Variants in ESRP1 observed in about 807,000 individuals in gnomAD.
ESRP1 encodes epithelial splicing regulatory protein 1, also known as RNA-binding motif protein 35A.
A neutral mutation model predicts 81.7 loss-of-function variants in ESRP1; 33 were observed. That is an observed-to-expected ratio of 0.40 (90% CI 0.31 to 0.54). The LOEUF is 0.54. ESRP1 is among the 20% of genes least tolerant of loss of function. ESRP1 has a pLI of 0.41. For synonymous variants in ESRP1, 320 were observed against 303.3 expected, an observed-to-expected ratio of 1.06 and a Z score of -0.57; for missense variants, 672 against 833.1, an observed-to-expected ratio of 0.81 and a Z score of 2.38.
chr8:94,691,486 G>A (rs971546695), intron 13 of ESRP1, among the ~76,000 whole-genome samples: 1 of 152,192 alleles, frequency 6.6e-6, no homozygotes, highest in African/African-American at 2.4e-5. Context: ...GAAGTAATTT[G>A]ATATGTTAAG....
chr8:94,660,269 T>C (rs73265205), intron 4 of ESRP1, among the ~76,000 whole-genome samples: 4,414 of 152,280 alleles, frequency 0.029, 182 homozygotes, highest in African/African-American at 0.096. Context: ...TTAAAGCTAA[T>C]GGTCATTAAC....
intron 15 of ESRP1, among the ~76,000 whole-genome samples, chr8:94,704,766 G>GGAA (rs1809991642): frequency 5.5e-5 from 6 of 108,752 alleles, no homozygotes; most frequent in Admixed American, 1.1e-4. Flanking sequence ...ATCTCTTTTT[G>GGAA]AAAAAAAAAA....
At chr8:94,697,061 T>C (rs1809634534) in intron 15 of ESRP1, 100 bp downstream of exon 15, 2 of 761,166 alleles carry the variant, frequency 2.6e-6, no homozygotes, top group Non-Finnish European at 4.1e-6. Context: ...TTCTTTTCTT[T>C]AGTGTAATGT....
chr8:94,678,517 A>G, intron 13 of ESRP1, 146 bp downstream of exon 13: 5 of 950,644 alleles, frequency 5.3e-6, no homozygotes, highest in Non-Finnish European at 3.0e-6. Context: ...CTGACCAAGA[A>G]GGTTGTTTCA....
chr8:94,665,560 C>T (rs1818976654), intron 9 of ESRP1, among the ~76,000 whole-genome samples: 2 of 152,154 alleles, frequency 1.3e-5, no homozygotes, highest in African/African-American at 4.8e-5. Context: ...GGCACAATCT[C>T]AGCTCGTTGC....
At chr8:94,692,900 G>A in intron 14 of ESRP1, 73 bp downstream of exon 14, 1 of 1,475,758 alleles carries the variant, frequency 6.8e-7, no homozygotes, top group Non-Finnish European at 9.2e-7. Flanking sequence ...AATGCAGCCA[G>A]GAAAGAAACA....
intron 13 of ESRP1, among the ~76,000 whole-genome samples, chr8:94,683,021 T>C (rs1808985459): frequency 7.5e-6 from 1 of 133,738 alleles, no homozygotes; most frequent in African/African-American, 2.8e-5. Flanking sequence ...CTCAGCTCAC[T>C]GCAGCCTCCG....
At chr8:94,692,610 A>C in intron 13 of ESRP1, 67 bp from the exon 14 acceptor site, 6 of 1,512,474 alleles carry the variant, frequency 4.0e-6, no homozygotes, top group Non-Finnish European at 5.4e-6. Flanking sequence ...TAAGTAACTA[A>C]TGTTTTTATA....
At chr8:94,670,728 C>A (rs1819274391) in intron 10 of ESRP1, among the ~76,000 whole-genome samples, 1 of 152,212 alleles carries the variant, frequency 6.6e-6, no homozygotes, top group African/African-American at 2.4e-5. Flanking sequence ...ATTCGCCTAA[C>A]CTATCATCAT....
chr8:94,692,559 G>T (rs1809445275), intron 13 of ESRP1, 118 bp from the exon 14 acceptor site: 1 of 1,079,016 alleles, frequency 9.3e-7, no homozygotes. Context: ...AGACAGCTCT[G>T]AGAAGTATAA....
chr8:94,682,926 A>ATT (rs1563540906), intron 13 of ESRP1, among the ~76,000 whole-genome samples: 2 of 31,566 alleles, frequency 6.3e-5, no homozygotes, highest in Non-Finnish European at 1.1e-4. Context: ...ATATATATAT[A>ATT]TATATATTTT....
chr8:94,671,333 A>T, intron 10 of ESRP1, 120 bp from the exon 11 acceptor site: 1 of 662,182 alleles, frequency 1.5e-6, no homozygotes, highest in Non-Finnish European at 2.5e-6. Context: ...CATATTTATT[A>T]GGTCTGGGGT....
chr8:94,672,811 G>A (rs541369852), intron 11 of ESRP1, among the ~76,000 whole-genome samples: 2 of 152,366 alleles, frequency 1.3e-5, no homozygotes, highest in African/African-American at 4.8e-5. Context: ...GGGATTACAG[G>A]CGTAAGCCGC....
intron 4 of ESRP1, among the ~76,000 whole-genome samples, chr8:94,660,709 C>CAAAAAAAAAAAAAAAAAAAAAAAAAA (rs60316449): frequency 9.2e-5 from 4 of 43,532 alleles, no homozygotes; most frequent in African/African-American, 2.1e-4. Context: ...GAGACTATCT[C>CAAAAAAAAAAAAAAAAAAAAAAAAAA]AAAAAAAAAA....
At chr8:94,672,122 T>C (rs898020819) in intron 11 of ESRP1, among the ~76,000 whole-genome samples, 5 of 152,252 alleles carry the variant, frequency 3.3e-5, no homozygotes, top group Non-Finnish European at 7.3e-5. Flanking sequence ...ACAGCAATCA[T>C]GGATGATGCT....
At chr8:94,678,526 C>A (rs775130817) in intron 13 of ESRP1, among the ~76,000 whole-genome samples, 155 bp downstream of exon 13, 2 of 152,210 alleles carry the variant, frequency 1.3e-5, no homozygotes, top group African/African-American at 2.4e-5. Flanking sequence ...AAGGTTGTTT[C>A]AAGACAAAGC....
In ESRP1 at chr8:94,668,245, C is replaced by G; in HGVS notation, c.1228C>G (p.Gln410Glu). 1 of 1,575,334 alleles carries G rather than the reference C, an allele frequency of 6.3e-7. No individual in the cohort carries two copies. The highest frequency in any genetic ancestry group is 8.6e-7 in the Non-Finnish European group (1 of 1,158,460). ...CTTCAGGAGCACAGCAGCTGAAGTT[C>G]AGCAGGTTGGTTTTAAAAACAAGTA... ...ELFRSTAAEV[Q>E]QVLNRFSSAP... The change falls in exon 10 of 16, where the codon CAG (glutamine) becomes GAG (glutamate). Residue 410 changes from glutamine to glutamate, a missense_variant. By Grantham distance (29) the Gln-to-Glu change is conservative. Transcript: ENST00000433389.
rs1409163927 is a variant in ESRP1, at chr8:94,678,312, C to T, written c.1761C>T (p.Ser587=). The change falls in exon 13 of 16, where the codon TCC becomes TCT. Residue 587 remains serine (S), a synonymous_variant. Transcript: ENST00000433389. The part of the protein sequence containing the change: ...VILNPRALQP[S]TAYYPAGTQL... ...TGAATCCACGAGCACTGCAGCCCTC[C>T]ACAGCGTACTACCCAGCAGGCACTC... The T allele has an allele frequency of 6.2e-7, 1 of 1,613,888 alleles. No individual in the cohort carries two copies. Among genetic ancestry groups the T allele is most frequent in the African/African-American group, 1.3e-5 (1 of 74,920 alleles).
chr8:94,646,697 ACTG>A (rs917986077), intron 4 of ESRP1, among the ~76,000 whole-genome samples: 13 of 152,228 alleles, frequency 8.5e-5, no homozygotes, highest in African/African-American at 3.1e-4. Context: ...CCCTTTACAA[ACTG>A]CTGTTCACTG....
Sources: allele counts gnomAD v4.1 joint callset (sites outside exome capture counted in the v4.1 genomes callset), GRCh38; gene constraint gnomAD v4.1.1; transcripts MANE v1.5; gene names NCBI Gene and HGNC (gene_info 2026-07-23, HGNC 2026-07-21).